MDGA2: variants seen among roughly 807,000 people sequenced by gnomAD.
MDGA2 encodes the protein MAM domain containing glycosylphosphatidylinositol anchor 2.
MDGA2 carries 40 observed loss-of-function variants against 117.8 expected under a neutral mutation model. The ratio of observed to expected loss-of-function variants is 0.34; its 90% confidence interval spans 0.26 to 0.44. The LOEUF (loss-of-function observed/expected upper bound fraction) is 0.44. Ranked by LOEUF, MDGA2 falls within the 20% of genes least tolerant of loss-of-function variation. MDGA2 has a pLI of 1.00. For synonymous variants in MDGA2, 452 were observed against 439.0 expected (o/e 1.03, Z -0.37); for missense variants, 1,123 against 1,250.6 (o/e 0.90, Z 1.54).
At chr14:47,039,949 G>A (rs1444625144) in intron 7 of MDGA2, among the ~76,000 whole-genome samples, 1 of 151,882 alleles carries the variant, frequency 6.6e-6, no homozygotes, top group African/African-American at 2.4e-5. Context: ...GCAAGATAAG[G>A]AATATGTTAA....
chr14:46,866,348 G>A (rs1357019565), intron 14 of MDGA2, among the ~76,000 whole-genome samples: 3 of 152,108 alleles, frequency 2.0e-5, no homozygotes, highest in African/African-American at 7.2e-5. Flanking sequence ...TATGTAGAAA[G>A]CTGAAACTGG....
chr14:47,450,766 T>C (rs183908769), intron 1 of MDGA2, among the ~76,000 whole-genome samples: 4 of 152,064 alleles, frequency 2.6e-5, no homozygotes, highest in African/African-American at 9.6e-5. Context: ...GGAAGTGCAA[T>C]TGTTGCAAAA....
At chr14:47,192,250 GA>G (rs2139409850) in intron 3 of MDGA2, among the ~76,000 whole-genome samples, 1 of 152,128 alleles carries the variant, frequency 6.6e-6, no homozygotes, top group East Asian at 1.9e-4. Context: ...TGTAAGCCCA[GA>G]AAGTGTGAGA....
At chr14:47,658,518 GT>G (rs946519366) in intron 1 of MDGA2, among the ~76,000 whole-genome samples, 18 of 152,138 alleles carry the variant, frequency 1.2e-4, no homozygotes, top group African/African-American at 4.3e-4. Context: ...GCTGACGTTT[GT>G]CCTGCTAACC....
At chr14:47,494,136 T>C (rs1459397770) in intron 1 of MDGA2, among the ~76,000 whole-genome samples, 1 of 152,186 alleles carries the variant, frequency 6.6e-6, no homozygotes, top group Non-Finnish European at 1.5e-5. Context: ...TTCACCATGA[T>C]TGTAAGTTTC....
intron 1 of MDGA2, among the ~76,000 whole-genome samples, chr14:47,523,328 C>A (rs1282839467): frequency 6.6e-6 from 1 of 152,112 alleles, no homozygotes; most frequent in Non-Finnish European, 1.5e-5. Flanking sequence ...AGAAGTTCAA[C>A]ACAAAAAGTA....
chr14:47,400,758 C>CT (rs570103742), intron 1 of MDGA2, among the ~76,000 whole-genome samples: 40,120 of 65,776 alleles, frequency 0.61, 10,131 homozygotes, highest in Non-Finnish European at 0.63. Flanking sequence ...CTTTTCTTTT[C>CT]TTTTTTTTTT....
At chr14:47,012,535 C>A (rs1170639348) in intron 8 of MDGA2, among the ~76,000 whole-genome samples, 2 of 152,212 alleles carry the variant, frequency 1.3e-5, no homozygotes, top group African/African-American at 4.8e-5. Flanking sequence ...TAAATAAACA[C>A]AAAACCAAAT....
chr14:47,639,392 G>C (rs1160036162), intron 1 of MDGA2, among the ~76,000 whole-genome samples: 2 of 152,028 alleles, frequency 1.3e-5, no homozygotes, highest in African/African-American at 2.4e-5. Context: ...TAAATCCTTT[G>C]GCTTTCCTCC....
intron 1 of MDGA2, among the ~76,000 whole-genome samples, chr14:47,649,216 AC>A (rs1897591997): frequency 6.6e-6 from 1 of 152,202 alleles, no homozygotes; most frequent in African/African-American, 2.4e-5. Flanking sequence ...ATTGCAACTT[AC>A]TACTGGAAAA....
intron 1 of MDGA2, among the ~76,000 whole-genome samples, chr14:47,329,640 A>T (rs1890238597): frequency 6.6e-6 from 1 of 151,994 alleles, no homozygotes; most frequent in Non-Finnish European, 1.5e-5. Flanking sequence ...TCTCCAAGAA[A>T]TTTTTTAAAC....
chr14:47,390,857 T>G (rs769773215), intron 1 of MDGA2, among the ~76,000 whole-genome samples: 1 of 152,146 alleles, frequency 6.6e-6, no homozygotes, highest in Non-Finnish European at 1.5e-5. Context: ...CCTATTTCTC[T>G]AAATGTTTCT....
At chr14:47,286,817 ATATATATACATATATATATG>A (rs1367847054) in intron 2 of MDGA2, among the ~76,000 whole-genome samples, 2 of 117,922 alleles carry the variant, frequency 1.7e-5, no homozygotes, top group Non-Finnish European at 1.9e-5. Context: ...ATATATATAT[ATATATATACATATATATATG>A]TATATATATA....
chr14:46,953,703 A>T (rs983266297), intron 9 of MDGA2, among the ~76,000 whole-genome samples: 5 of 152,060 alleles, frequency 3.3e-5, no homozygotes, highest in Non-Finnish European at 7.4e-5. Flanking sequence ...TGTCAGAAAC[A>T]AGTCTGTTAA....
intron 6 of MDGA2, among the ~76,000 whole-genome samples, chr14:47,068,408 GA>G (rs34161987): frequency 0.52 from 69,381 of 133,666 alleles, 16,745 homozygotes; most frequent in African/African-American, 0.64. Context: ...TTTTAAGTAA[GA>G]AAAAAAAAAT....
chr14:47,387,307 T>G (rs566433288), intron 1 of MDGA2, among the ~76,000 whole-genome samples: 1 of 151,960 alleles, frequency 6.6e-6, no homozygotes, highest in Admixed American at 6.6e-5. Flanking sequence ...CACGGTTGGG[T>G]TATTCTCCAC....
intron 8 of MDGA2, among the ~76,000 whole-genome samples, chr14:47,015,100 G>A (rs1888035499): frequency 6.6e-6 from 1 of 152,040 alleles, no homozygotes. Flanking sequence ...AGAAAGACAT[G>A]AGAACAGCCA....
intron 8 of MDGA2, among the ~76,000 whole-genome samples, chr14:47,026,618 G>T (rs1450387309): frequency 3.3e-5 from 5 of 151,836 alleles, no homozygotes; most frequent in African/African-American, 1.2e-4. Flanking sequence ...TATTACCTTT[G>T]TGTTACAGGG....
Position 47,258,922 on chromosome 14 carries a change from C to T in MDGA2, c.421-40727G>A, listed in dbSNP as rs142107352. Among the ~76,000 whole-genome samples, 259 of 151,848 alleles carry T rather than the reference C, an allele frequency of 1.7e-3. 1 individual carries two copies. Among genetic ancestry groups the T allele is most frequent in the Non-Finnish European group, 2.8e-3 (190 of 67,958 alleles). ...CAAGCTACAAAAAGAATATACAGTG[C>T]CATACTAAATCATCAAAAATGGTTT... On this transcript the variant is annotated intron_variant, in intron 2 of 16. Coordinates refer to ENST00000399232, the MANE Select transcript of MDGA2 (RefSeq NM_001113498.3).
Sources: gnomAD v4.1 joint callset for allele counts (sites outside exome capture counted in the v4.1 genomes callset) on GRCh38, gnomAD v4.1.1 for gene constraint, MANE v1.5 for transcripts, NCBI Gene and HGNC (gene_info 2026-07-23, HGNC 2026-07-21) for gene names.